CDK14: variants seen among roughly 807,000 people sequenced by gnomAD.
CDK14 encodes the protein cyclin dependent kinase 14, also known as cyclin-dependent kinase 14.
A neutral mutation model predicts 60.7 loss-of-function variants in CDK14; 34 were observed. That is an observed-to-expected ratio of 0.56 (90% CI 0.43 to 0.75). The LOEUF is 0.75. Ranked by LOEUF, CDK14 falls within the 30% of genes least tolerant of loss-of-function variation. The pLI is 0.00. For synonymous variants in CDK14, 197 were observed against 203.7 expected, an observed-to-expected ratio of 0.97 and a Z score of 0.28; for missense variants, 482 against 564.1, an observed-to-expected ratio of 0.85 and a Z score of 1.47.
At chr7:90,901,746 A>C (rs917302840) in intron 7 of CDK14, among the ~76,000 whole-genome samples, 5 of 151,904 alleles carry the variant, frequency 3.3e-5, no homozygotes, top group African/African-American at 1.2e-4. Flanking sequence ...ATAGTATAAT[A>C]CTGAGAATTT....
intron 10 of CDK14, among the ~76,000 whole-genome samples, chr7:91,016,756 G>T (rs1796312674): frequency 6.6e-6 from 1 of 152,102 alleles, no homozygotes; most frequent in Non-Finnish European, 1.5e-5. Context: ...ATGTTTTAAG[G>T]TTTCGGAACC....
chr7:90,948,114 G>A (rs1049700178), intron 8 of CDK14, among the ~76,000 whole-genome samples: 3 of 152,078 alleles, frequency 2.0e-5, no homozygotes, highest in African/African-American at 7.2e-5. Flanking sequence ...TGAATTAATG[G>A]GTTTTAACTT....
intron 5 of CDK14, among the ~76,000 whole-genome samples, chr7:90,808,463 G>C (rs1788951312): frequency 6.6e-6 from 1 of 152,164 alleles, no homozygotes; most frequent in African/African-American, 2.4e-5. Flanking sequence ...GACCCTGAAG[G>C]AAGCACTAAA....
intron 5 of CDK14, among the ~76,000 whole-genome samples, chr7:90,819,304 T>C (rs757137255): frequency 6.6e-6 from 1 of 152,174 alleles, no homozygotes; most frequent in Non-Finnish European, 1.5e-5. Context: ...TGATTTGTTA[T>C]GCATATGTGA....
At chr7:90,885,374 C>A (rs1359913949) in intron 6 of CDK14, among the ~76,000 whole-genome samples, 1 of 152,012 alleles carries the variant, frequency 6.6e-6, no homozygotes, top group African/African-American at 2.4e-5. Flanking sequence ...AAAACCACAA[C>A]GAGATACCAT....
At chr7:90,807,683 G>T (rs1273241282) in intron 5 of CDK14, among the ~76,000 whole-genome samples, 25 of 152,180 alleles carry the variant, frequency 1.6e-4, no homozygotes, top group Non-Finnish European at 2.9e-5. Flanking sequence ...AAAGGAGGAA[G>T]TCCGAACCCA....
At chr7:90,628,100 G>A (rs990103519) in intron 2 of CDK14, among the ~76,000 whole-genome samples, 3 of 152,142 alleles carry the variant, frequency 2.0e-5, no homozygotes, top group Non-Finnish European at 4.4e-5. Context: ...GACCACAGGT[G>A]TGTGCCACTA....
chr7:91,136,343 T>A (rs912691068), intron 14 of CDK14, among the ~76,000 whole-genome samples: 1 of 152,202 alleles, frequency 6.6e-6, no homozygotes, highest in South Asian at 2.1e-4. Context: ...TCCAGATATT[T>A]ATGGGTCAGA....
At chr7:91,174,116 G>C (rs564335576) in intron 14 of CDK14, among the ~76,000 whole-genome samples, 1 of 151,796 alleles carries the variant, frequency 6.6e-6, no homozygotes, top group South Asian at 2.1e-4. Flanking sequence ...ATCTGAGAAC[G>C]GGCAGACTGC....
chr7:90,881,351 T>C (rs1382572808), intron 6 of CDK14, among the ~76,000 whole-genome samples: 1 of 151,958 alleles, frequency 6.6e-6, no homozygotes, highest in African/African-American at 2.4e-5. Flanking sequence ...GATATCAGAG[T>C]TTGAAGACCA....
chr7:90,694,922 G>A (rs2116596545), intron 2 of CDK14, among the ~76,000 whole-genome samples: 1 of 152,314 alleles, frequency 6.6e-6, no homozygotes, highest in South Asian at 2.1e-4. Context: ...TTATCTGTGT[G>A]TGGATCTGGA....
chr7:91,066,256 G>T (rs1014083127), intron 11 of CDK14, among the ~76,000 whole-genome samples: 3 of 152,024 alleles, frequency 2.0e-5, no homozygotes, highest in Non-Finnish European at 4.4e-5. Context: ...TTGTTCCATG[G>T]TATTGTTTAT....
At chr7:91,113,654 G>C (rs568357522) in intron 13 of CDK14, among the ~76,000 whole-genome samples, 75 of 151,820 alleles carry the variant, frequency 4.9e-4, no homozygotes, top group Admixed American at 1.2e-3. Flanking sequence ...ATTAATCCTT[G>C]GTATACATCA....
intron 2 of CDK14, among the ~76,000 whole-genome samples, chr7:90,607,949 G>GT (rs912455518): frequency 6.6e-6 from 1 of 152,164 alleles, no homozygotes; most frequent in African/African-American, 2.4e-5. Flanking sequence ...GTTTGGAAGG[G>GT]TTTGACATAG....
chr7:90,930,844 A>C (rs1793570951), intron 8 of CDK14, among the ~76,000 whole-genome samples: 1 of 152,102 alleles, frequency 6.6e-6, no homozygotes, highest in African/African-American at 2.4e-5. Context: ...ATGTGAGAGC[A>C]TTGATTTGTG....
chr7:90,605,245 A>G (rs1799393805), intron 2 of CDK14, among the ~76,000 whole-genome samples: 2 of 152,136 alleles, frequency 1.3e-5, no homozygotes, highest in African/African-American at 2.4e-5. Context: ...AACCTGCTCC[A>G]GGCTGGGATT....
intron 6 of CDK14, among the ~76,000 whole-genome samples, chr7:90,878,861 G>A (rs1791649898): frequency 6.6e-6 from 1 of 152,158 alleles, no homozygotes; most frequent in South Asian, 2.1e-4. Flanking sequence ...CCTTGACAAA[G>A]GGTTCTGTTA....
intron 10 of CDK14, among the ~76,000 whole-genome samples, chr7:91,017,660 A>G (rs1796335193): frequency 6.6e-6 from 1 of 152,170 alleles, no homozygotes; most frequent in South Asian, 2.1e-4. Flanking sequence ...TGTTTGACAT[A>G]GACAGAATAA....
intron 3 of CDK14, among the ~76,000 whole-genome samples, chr7:90,738,665 G>A (rs1012180623): frequency 2.0e-5 from 3 of 152,160 alleles, no homozygotes; most frequent in Non-Finnish European, 4.4e-5. Flanking sequence ...GGTATCTCAA[G>A]CCTACACTCT....
Sources: gnomAD v4.1 joint callset for allele counts (sites outside exome capture counted in the v4.1 genomes callset) on GRCh38, gnomAD v4.1.1 for gene constraint, MANE v1.5 for transcripts, NCBI Gene and HGNC (gene_info 2026-07-23, HGNC 2026-07-21) for gene names.